Variants in PRELID2 observed in about 807,000 individuals in gnomAD.
The protein encoded by PRELID2 is PRELI domain containing 2.
Under a neutral mutation model 28.4 loss-of-function variants are expected in PRELID2, and 25 were observed. That is an observed-to-expected ratio of 0.88 (90% confidence interval 0.64 to 1.23). The LOEUF is 1.23. PRELID2 is among the 50% of genes most tolerant of loss of function. The probability of loss-of-function intolerance (pLI) is 0.00; values close to 1 mark genes in which losing one functional copy is unlikely to be tolerated. For synonymous variants in PRELID2, 76 were observed against 71.6 expected (o/e 1.06, Z -0.31); for missense variants, 201 against 214.4 (o/e 0.94, Z 0.39).
At chr5:145,253,655 T>A in the PRELID2 span, among the ~76,000 whole-genome samples, 1 of 151,998 alleles carries the variant, frequency 6.6e-6, no homozygotes, top group East Asian at 1.9e-4. Context: ...CCTCTCCTTG[T>A]AGAAGCCATT....
the PRELID2 span, among the ~76,000 whole-genome samples, chr5:145,241,681 G>A: frequency 6.6e-6 from 1 of 151,944 alleles, no homozygotes; most frequent in Non-Finnish European, 1.5e-5. Context: ...TATCTATCTA[G>A]AATGTATATT....
chr5:145,746,755 T>C (rs1182130200), intron 1 of PRELID2, among the ~76,000 whole-genome samples: 2 of 152,202 alleles, frequency 1.3e-5, no homozygotes, highest in African/African-American at 4.8e-5. Flanking sequence ...ACATGGCACT[T>C]ATTCTAAAAT....
the PRELID2 span, among the ~76,000 whole-genome samples, chr5:145,393,259 C>T: frequency 5.6e-5 from 7 of 124,960 alleles, no homozygotes; most frequent in Non-Finnish European, 8.9e-5. Flanking sequence ...TGTGTAGATC[C>T]TTTGATTTCA....
At chr5:145,332,102 A>C in the PRELID2 span, among the ~76,000 whole-genome samples, 1 of 152,086 alleles carries the variant, frequency 6.6e-6, no homozygotes, top group Non-Finnish European at 1.5e-5. Context: ...CCCCCACTCT[A>C]TTCTGGCTTG....
At chr5:145,609,203 C>T (rs951736620) in intron 1 of PRELID2, among the ~76,000 whole-genome samples, 4 of 152,190 alleles carry the variant, frequency 2.6e-5, no homozygotes, top group African/African-American at 7.2e-5. Flanking sequence ...TGGGTTTCGA[C>T]TTTCTCCCGA....
At chr5:145,638,847 G>T (rs1754047112) in intron 1 of PRELID2, among the ~76,000 whole-genome samples, 1 of 152,192 alleles carries the variant, frequency 6.6e-6, no homozygotes, top group South Asian at 2.1e-4. Context: ...ATGGCGTGTT[G>T]TCCTATCTTG....
At chr5:145,440,818 T>C in the PRELID2 span, 1 of 152,046 alleles carries the variant, frequency 6.6e-6, no homozygotes, top group Admixed American at 6.6e-5. Context: ...TTTCAGAAAC[T>C]TTTAATGAAT....
chr5:145,715,992 G>T (rs1035940200), intron 1 of PRELID2, among the ~76,000 whole-genome samples: 2 of 152,138 alleles, frequency 1.3e-5, no homozygotes, highest in Non-Finnish European at 2.9e-5. Context: ...GCCCAGGATG[G>T]CTTTGAATGT....
At chr5:145,672,084 C>G (rs1454477120) in intron 1 of PRELID2, among the ~76,000 whole-genome samples, 2 of 152,188 alleles carry the variant, frequency 1.3e-5, no homozygotes, top group Non-Finnish European at 2.9e-5. Flanking sequence ...CCTTTACACA[C>G]TTCTTCCATG....
intron 1 of PRELID2, among the ~76,000 whole-genome samples, chr5:145,509,505 T>C (rs1018744000): frequency 5.3e-5 from 8 of 152,192 alleles, no homozygotes; most frequent in African/African-American, 1.9e-4. Context: ...GCACCCATTA[T>C]CCAGGCTGCC....
At chr5:145,615,146 A>G (rs1441931795) in intron 1 of PRELID2, among the ~76,000 whole-genome samples, 1 of 152,136 alleles carries the variant, frequency 6.6e-6, no homozygotes, top group East Asian at 1.9e-4. Flanking sequence ...AAGGCCTTTT[A>G]CCATTATAAA....
intron 5 of PRELID2, among the ~76,000 whole-genome samples, chr5:145,790,352 A>G (rs958220579): frequency 6.6e-6 from 1 of 152,190 alleles, no homozygotes; most frequent in Admixed American, 6.5e-5. Context: ...GACAACATGG[A>G]TAAACCTGGA....
intron 1 of PRELID2, among the ~76,000 whole-genome samples, chr5:145,487,164 C>A (rs547542468): frequency 1.3e-5 from 2 of 149,184 alleles, no homozygotes; most frequent in Admixed American, 1.3e-4. Context: ...GTGGGTGCAG[C>A]GCACCAGCAT....
chr5:145,540,487 G>T (rs1752736776), intron 1 of PRELID2, among the ~76,000 whole-genome samples: 1 of 151,852 alleles, frequency 6.6e-6, no homozygotes, highest in African/African-American at 2.4e-5. Context: ...AGCATTTAAT[G>T]GTTAGAAAGA....
intron 1 of PRELID2, among the ~76,000 whole-genome samples, chr5:145,593,087 G>A (rs1753254342): frequency 6.6e-6 from 1 of 152,124 alleles, no homozygotes; most frequent in Admixed American, 6.5e-5. Context: ...GAAAATGGAT[G>A]TAAGATCAGT....
At chr5:145,637,445 T>A (rs1754018659) in intron 1 of PRELID2, among the ~76,000 whole-genome samples, 1 of 152,118 alleles carries the variant, frequency 6.6e-6, no homozygotes, top group African/African-American at 2.4e-5. Flanking sequence ...TGTCCATACA[T>A]TTTCAAACTC....
Position 145,835,192 on chromosome 5 carries a change from G to A in PRELID2, c.60C>T (p.Ala20=). Residue 20 remains alanine, a synonymous_variant, in exon 1 of 7, where the codon GCC becomes GCT. Transcript: ENST00000683046. ...GGGGCGGTACCTTTCGGAGAAAGCT[G>A]GCGACCACCTGCTCGAAGGGGTACT... ...VYKYPFEQVV[A]SFLRKYPNPM... The A allele has an allele frequency of 1.9e-6, 3 of 1,549,808 alleles. No homozygotes were observed. The highest frequency in any genetic ancestry group is 2.6e-6 in the Non-Finnish European group (3 of 1,145,904).
intron 1 of PRELID2, among the ~76,000 whole-genome samples, chr5:145,742,546 A>T (rs923494301): frequency 1.5e-5 from 2 of 137,218 alleles, no homozygotes; most frequent in African/African-American, 2.7e-5. Context: ...AAAAAAAAAA[A>T]GAACTAAATT....
the PRELID2 span, among the ~76,000 whole-genome samples, chr5:145,411,764 G>A: frequency 6.6e-6 from 1 of 152,202 alleles, no homozygotes; most frequent in African/African-American, 2.4e-5. Flanking sequence ...GGTTCTCCAT[G>A]AGGGCTCCAT....
Sources: gnomAD v4.1 joint callset for allele counts (sites outside exome capture counted in the v4.1 genomes callset) on GRCh38, gnomAD v4.1.1 for gene constraint, MANE v1.5 for transcripts, NCBI Gene and HGNC (gene_info 2026-07-23, HGNC 2026-07-21) for gene names.